Variants in SI observed in about 807,000 individuals in gnomAD.
SI encodes sucrase-isomaltase, also known as sucrase-isomaltase, intestinal.
In SI, 235 loss-of-function variants were observed where a neutral mutation model predicts 253.3. That is an observed-to-expected ratio of 0.93 (90% CI 0.83 to 1.03). The LOEUF (loss-of-function observed/expected upper bound fraction) is 1.03, where lower values mean the gene tolerates loss of function less well. SI is among the 50% of genes least tolerant of loss of function. SI has a pLI of 0.00. For synonymous variants in SI, 819 were observed against 712.0 expected (o/e 1.15, Z -2.39); for missense variants, 2,442 against 2,211.1 (o/e 1.10, Z -2.09).
Position 165,019,610 on chromosome 3 carries a change from G to A in SI, c.3415C>T (p.Pro1139Ser). 2 of 1,612,248 alleles carry A rather than the reference G, an allele frequency of 1.2e-6. No homozygotes were observed. The highest frequency in any genetic ancestry group is 2.2e-5 in the South Asian group (2 of 91,066). ...NTWGMFTRDQ[P>S]PGYKLNSYGF... ...CATATGTTGGTACCTACACCAGGGG[G>A]TTGGTCTCTTGTGAACATTCCCCAA... Residue 1139 changes from proline to serine, a missense_variant, in exon 28 of 48, where the codon CCC becomes TCC. Coordinates refer to ENST00000264382, the MANE Select transcript of SI (RefSeq NM_001041.4).
At chr3:165,078,001 TTGA>T (rs1382548966) in intron 1 of SI, among the ~76,000 whole-genome samples, 2 of 151,632 alleles carry the variant, frequency 1.3e-5, no homozygotes, top group Non-Finnish European at 3.0e-5. Context: ...GTATAACAAC[TTGA>T]TGAATGATCT....
At chr3:165,038,161 AG>A in intron 20 of SI, 137 bp from the exon 21 acceptor site, 1 of 758,644 alleles carries the variant, frequency 1.3e-6, no homozygotes. Context: ...TTCTAACTTT[AG>A]GAGAATTTTT....
intron 24 of SI, among the ~76,000 whole-genome samples, chr3:165,031,534 A>G (rs913506444): frequency 6.7e-6 from 1 of 150,008 alleles, no homozygotes; most frequent in African/African-American, 2.4e-5. Context: ...TTATTCTTAT[A>G]GTGCTAGGAA....
chr3:165,073,626 T>C (rs948086674), intron 3 of SI, among the ~76,000 whole-genome samples: 2 of 152,086 alleles, frequency 1.3e-5, no homozygotes, highest in African/African-American at 4.8e-5. Flanking sequence ...TATTTGCAAA[T>C]GCAAATATTT....
At chr3:165,030,670 T>C in intron 25 of SI, 42 bp downstream of exon 25, 2 of 1,587,006 alleles carry the variant, frequency 1.3e-6, no homozygotes, top group Non-Finnish European at 1.7e-6. Flanking sequence ...AAAATGCTTA[T>C]GTGATAACCA....
intron 17 of SI, 94 bp downstream of exon 17, chr3:165,042,965 T>C: frequency 1.2e-6 from 1 of 807,670 alleles, no homozygotes; most frequent in Non-Finnish European, 2.2e-6. Flanking sequence ...GCTACAATCT[T>C]TCAGACCATA....
At position 165,030,716 on chromosome 3, in the gene SI, C is replaced by T. The variant is rs148434280; in HGVS notation, c.2888G>A (p.Arg963Lys). ...QKCTQRGCVWRTGSSLSKAPE... is the reference protein window; with the variant it reads ...QKCTQRGCVWKTGSSLSKAPE... ...AATAGTTAAAATTATTATTACCGTT[C>T]TCCATACACAGCCACGTTGTGTGCA... Residue 963 changes from arginine (R) to lysine (K), a missense_variant, in exon 25 of 48, where the codon AGA becomes AAA. Arg to Lys is a conservative substitution (Grantham distance 26). Transcript: ENST00000264382. 148 of 1,607,856 alleles carry T rather than the reference C, an allele frequency of 9.2e-5. No individual in the cohort carries two copies. The African/African-American group carries it at 1.6e-3, about 17-fold the overall frequency.
chr3:165,071,033 G>A (rs886928796), intron 3 of SI, among the ~76,000 whole-genome samples: 1 of 152,012 alleles, frequency 6.6e-6, no homozygotes, highest in African/African-American at 2.4e-5. Context: ...CTGTCTCTGT[G>A]TGTGGTTCCT....
chr3:165,076,097 C>CA, intron 1 of SI, 85 bp from the exon 2 acceptor site: 2 of 1,009,428 alleles, frequency 2.0e-6, no homozygotes, highest in Non-Finnish European at 2.8e-6. Context: ...ATTACATATT[C>CA]TTTTTTTTAC....
At chr3:165,023,983 C>T (rs1711767617) in intron 25 of SI, among the ~76,000 whole-genome samples, 2 of 151,366 alleles carry the variant, frequency 1.3e-5, no homozygotes, top group Non-Finnish European at 3.0e-5. Context: ...TACATTTACA[C>T]TCTAGAGAAA....
At chr3:165,082,324 A>G (rs1715363760), upstream of SI, among the ~76,000 whole-genome samples, 1 of 151,978 alleles carries the variant, frequency 6.6e-6, no homozygotes, top group South Asian at 2.1e-4. Context: ...TGCTACTGGT[A>G]TAACAATTAC....
At chr3:165,013,180 A>C (rs2108167032) in intron 33 of SI, 138 bp from the exon 34 acceptor site, 212 of 716,818 alleles carry the variant, frequency 3.0e-4, no homozygotes, top group Middle Eastern at 5.5e-4. Context: ...TTCAAATCTC[A>C]TTATTATTGA....
chr3:165,040,399 T>C (rs9825917), intron 18 of SI, among the ~76,000 whole-genome samples: 87,876 of 151,668 alleles, frequency 0.58, 25,866 homozygotes, highest in East Asian at 0.81. Flanking sequence ...CAAAAATTCT[T>C]CTGTTAAATT....
intron 10 of SI, 136 bp from the exon 11 acceptor site, chr3:165,059,435 C>T (rs887367002): frequency 2.3e-6 from 2 of 864,486 alleles, no homozygotes; most frequent in African/African-American, 3.4e-5. Flanking sequence ...TTTCATTTCA[C>T]TAAAGAAGCA....
chr3:164,993,088 C>A (rs1239189191), intron 41 of SI, among the ~76,000 whole-genome samples: 2 of 151,486 alleles, frequency 1.3e-5, no homozygotes, highest in East Asian at 3.9e-4. Flanking sequence ...GAGATTAATG[C>A]TGAATTGGAA....
intron 25 of SI, among the ~76,000 whole-genome samples, chr3:165,029,204 T>C (rs948039992): frequency 1.3e-5 from 2 of 150,582 alleles, no homozygotes; most frequent in African/African-American, 2.4e-5. Context: ...AATGATCAGG[T>C]AAATGCAAAT....
intron 21 of SI, 149 bp from the exon 22 acceptor site, chr3:165,036,626 T>G (rs1712547609): frequency 1.8e-6 from 1 of 566,790 alleles, no homozygotes; most frequent in Admixed American, 3.0e-5. Flanking sequence ...TTATATGTAT[T>G]AATAATTTAC....
chr3:164,980,764 A>C (rs1184052680), intron 47 of SI, among the ~76,000 whole-genome samples: 1 of 152,018 alleles, frequency 6.6e-6, no homozygotes, highest in African/African-American at 2.4e-5. Flanking sequence ...TTTGATCAAA[A>C]CGACCTTGAA....
the SI span, among the ~76,000 whole-genome samples, chr3:165,089,197 G>A: frequency 6.6e-6 from 1 of 151,484 alleles, no homozygotes; most frequent in Admixed American, 6.6e-5. Flanking sequence ...AAGAAAAACA[G>A]AGATGTCCTT....
Sources: allele counts gnomAD v4.1 joint callset (sites outside exome capture counted in the v4.1 genomes callset), GRCh38; gene constraint gnomAD v4.1.1; transcripts MANE v1.5; gene names NCBI Gene and HGNC (gene_info 2026-07-23, HGNC 2026-07-21).